PCDHA4: variants seen among roughly 807,000 people sequenced by gnomAD.
The protein encoded by PCDHA4 is protocadherin alpha 4.
PCDHA4 carries 49 observed loss-of-function variants against 61.4 expected under a neutral mutation model. The observed-to-expected ratio is 0.80, with a 90% CI of 0.63 to 1.01. The LOEUF (loss-of-function observed/expected upper bound fraction) is 1.01. Ranked by LOEUF, PCDHA4 falls within the 50% of genes least tolerant of loss-of-function variation. PCDHA4 has a pLI of 0.00. For synonymous variants in PCDHA4, 590 were observed against 550.3 expected, an observed-to-expected ratio of 1.07 and a Z score of -1.01; for missense variants, 1,254 against 1,235.8, an observed-to-expected ratio of 1.01 and a Z score of -0.22.
Position 140,809,291 on chromosome 5 carries a change from A to G in PCDHA4, c.2104A>G (p.Ile702Val), listed in dbSNP as rs782054971. The G allele has an allele frequency of 1.9e-6, 3 of 1,613,936 alleles. No individual in the cohort carries two copies. The highest frequency in any genetic ancestry group is 1.3e-5 in the African/African-American group (1 of 74,922). The stretch of plus-strand genomic sequence containing the variant: ...GGTGGATGTCAACGTATACCTGATC[A>G]TTGCCATCTGCGCGGTGTCCAGCCT... The part of the protein sequence containing the change: ...ALVDVNVYLI[I>V]AICAVSSLLV... Residue 702 changes from isoleucine to valine, a missense_variant, in exon 1 of 4, where the codon ATT (isoleucine) becomes GTT (valine). Transcript: ENST00000530339.
chr5:140,836,540 G>T (rs2150263388), intron 1 of PCDHA4: 1 of 1,613,776 alleles, frequency 6.2e-7, no homozygotes, highest in East Asian at 2.2e-5. Context: ...TGCTGTACAC[G>T]GCGTTGCGGT....
chr5:140,849,943 A>G lies in PCDHA4; in HGVS notation c.2385+40371A>G, dbSNP rs2150458955. The G allele has an allele frequency of 3.8e-6, 6 of 1,597,666 alleles. 2 individuals carry two copies. In the African/African-American group the frequency reaches 5.4e-5, roughly 14 times the overall value. On this transcript the variant is annotated intron_variant, in intron 1 of 3. Transcript: ENST00000530339. ...TTCACGGTGTCTGCGCGGGACGCTG[A>G]CGCGCAGGAGAACGCCCTGGTGTCC...
intron 1 of PCDHA4, among the ~76,000 whole-genome samples, chr5:140,962,643 T>G (rs1456773642): frequency 6.6e-6 from 1 of 152,222 alleles, no homozygotes; most frequent in Non-Finnish European, 1.5e-5. Context: ...GCCATCAAGT[T>G]ATGTGAAAAC....
At chr5:140,934,528 G>C (rs782284913) in intron 1 of PCDHA4, among the ~76,000 whole-genome samples, 1 of 152,116 alleles carries the variant, frequency 6.6e-6, no homozygotes, top group African/African-American at 2.4e-5. Flanking sequence ...CACTTCGAGA[G>C]CTACCGTTCT....
At chr5:140,932,375 G>A (rs192897336) in intron 1 of PCDHA4, among the ~76,000 whole-genome samples, 31 of 151,942 alleles carry the variant, frequency 2.0e-4, no homozygotes, top group Non-Finnish European at 3.0e-5. Context: ...ATTTCCACAT[G>A]AAAGTTATAC....
intron 1 of PCDHA4, among the ~76,000 whole-genome samples, chr5:140,920,083 G>A (rs536573725): frequency 3.3e-5 from 5 of 152,260 alleles, no homozygotes; most frequent in East Asian, 1.9e-4. Flanking sequence ...CAGATTCTCC[G>A]TAGAGCCTCT....
At chr5:140,928,178 G>C (rs2085023372) in intron 1 of PCDHA4, 1 of 1,614,074 alleles carries the variant, frequency 6.2e-7, no homozygotes, top group African/African-American at 1.3e-5. Flanking sequence ...AGCACCCGAA[G>C]GACAATCACT....
intron 1 of PCDHA4, among the ~76,000 whole-genome samples, chr5:140,826,609 C>T (rs2150144394): frequency 6.6e-6 from 1 of 151,782 alleles, no homozygotes; most frequent in Non-Finnish European, 1.5e-5. Flanking sequence ...AAATTAAGGG[C>T]GAAGTTGATA....
At position 140,843,778 on chromosome 5, in the gene PCDHA4, G is replaced by C. The variant is rs2150366653; in HGVS notation, c.2385+34206G>C. 3.5e-6 allele frequency: 5 copies of C among 1,441,518 alleles called. No individual in the cohort carries two copies. The East Asian group carries it at 1.1e-4, about 33-fold the overall frequency. The allele number at this position is 1,441,518 out of a possible 1,614,324, so 89.3% of individuals were successfully genotyped here. A position where few individuals can be genotyped will look rare whatever the true frequency, so the allele number is the denominator to read the frequency against. On this transcript the variant is annotated intron_variant, in intron 1 of 3. Transcript: ENST00000530339. ...TGTGGAAATTGTAGTTACTTTAAAA[G>C]TGTTTCAGATTTAGTTTTTCACCGT...
rs1409073063 is a variant in PCDHA4, at chr5:140,808,666, G to A, written c.1479G>A (p.Ser493=). The change falls in exon 1 of 4, where the codon TCG becomes TCA. Residue 493 remains serine, a synonymous_variant. Coordinates refer to ENST00000530339, the MANE Select transcript of PCDHA4 (RefSeq NM_018907.4). ...AGGAGAACGCGCTGGTGTCCTACTCGCTGGTAGAGCGGCGGGTAGGGGAGC... is the reference window on the plus strand; with the variant it reads ...AGGAGAACGCGCTGGTGTCCTACTCACTGGTAGAGCGGCGGGTAGGGGAGC... ...DAQENALVSY[S]LVERRVGERA... 1.2e-6 allele frequency: 2 copies of A among 1,612,962 alleles called. No homozygotes were observed. The highest frequency in any genetic ancestry group is 2.2e-5 in the East Asian group (1 of 44,878).
At chr5:140,929,175 A>G (rs1554206790) in intron 1 of PCDHA4, 2 of 1,614,126 alleles carry the variant, frequency 1.2e-6, no homozygotes, top group East Asian at 4.5e-5. Flanking sequence ...CCTCTCTGGG[A>G]CTTGGTTCTG....
chr5:140,851,823 GT>G, intron 1 of PCDHA4: 1 of 963,106 alleles, frequency 1.0e-6, no homozygotes, highest in Non-Finnish European at 1.3e-6. Context: ...ACAGAAATCT[GT>G]TTTTTTAAAA....
At chr5:140,945,142 A>G (rs2093746990) in intron 1 of PCDHA4, among the ~76,000 whole-genome samples, 1 of 152,184 alleles carries the variant, frequency 6.6e-6, no homozygotes. Context: ...AATCAATAGC[A>G]TTTCTATACA....
At chr5:140,938,278 G>A (rs1394435028) in intron 1 of PCDHA4, among the ~76,000 whole-genome samples, 1 of 152,090 alleles carries the variant, frequency 6.6e-6, no homozygotes, top group African/African-American at 2.4e-5. Context: ...TAGTTTTCTT[G>A]CTTTCTGTCA....
In PCDHA4 at chr5:140,967,342, C is replaced by G. The variant is rs149890293; in HGVS notation, c.2386-11607C>G. On this transcript the variant is annotated intron_variant, in intron 1 of 3. Coordinates refer to ENST00000530339, the MANE Select transcript of PCDHA4 (RefSeq NM_018907.4). ...CCTACGAGCTCAGCCCCAGCGAGCACTTCGAGCTGGACCTTAAGCCCCTGC... is the reference window on the plus strand; with the variant it reads ...CCTACGAGCTCAGCCCCAGCGAGCAGTTCGAGCTGGACCTTAAGCCCCTGC... The G allele has an allele frequency of 1.9e-6, 3 of 1,607,992 alleles. No individual in the cohort carries two copies. In the African/African-American group the frequency reaches 4.0e-5, roughly 22 times the overall value.
At chr5:140,861,327 T>C (rs1363614329) in intron 1 of PCDHA4, 2 of 243,212 alleles carry the variant, frequency 8.2e-6, no homozygotes, top group Middle Eastern at 1.5e-3. Flanking sequence ...CACTACACCA[T>C]CCTGGAAGAG....
chr5:140,875,882 A>G (rs2055902382), intron 1 of PCDHA4: 1 of 1,614,158 alleles, frequency 6.2e-7, no homozygotes, highest in Non-Finnish European at 8.5e-7. Flanking sequence ...AGAGAAAGGG[A>G]ACAAAAGGTA....
At chr5:140,863,178 C>T (rs1420894530) in intron 1 of PCDHA4, 2 of 736,748 alleles carry the variant, frequency 2.7e-6, no homozygotes, top group Non-Finnish European at 4.7e-6. Flanking sequence ...TGACTGCCAC[C>T]GTCACCGTGG....
intron 1 of PCDHA4, chr5:140,835,455 C>T: frequency 2.5e-6 from 4 of 1,613,900 alleles, no homozygotes; most frequent in Non-Finnish European, 3.4e-6. Context: ...CCTGTCTCTC[C>T]CTATTCCAGA....
Sources: allele counts gnomAD v4.1 joint callset (sites outside exome capture counted in the v4.1 genomes callset), GRCh38; gene constraint gnomAD v4.1.1; transcripts MANE v1.5; gene names NCBI Gene and HGNC (gene_info 2026-07-23, HGNC 2026-07-21).